The following CSMD1 variants were observed in gnomAD, a reference collection of about 807,000 sequenced individuals.
CSMD1 encodes the protein CUB and Sushi multiple domains 1.
CSMD1 carries 213 observed loss-of-function variants against 417.5 expected under a neutral mutation model. That is an observed-to-expected ratio of 0.51 (90% CI 0.46 to 0.57). CSMD1 has a LOEUF of 0.57. Ranked by LOEUF, CSMD1 falls within the 20% of genes least tolerant of loss-of-function variation. The pLI, the probability that CSMD1 is intolerant of heterozygous loss-of-function variation, is 0.00. For synonymous variants in CSMD1, 2,862 were observed against 1,736.8 expected (o/e 1.65, Z -16.11); for missense variants, 6,923 against 4,529.7 (o/e 1.53, Z -15.17).
chr8:4,154,894 T>C lies in CSMD1; in HGVS notation c.416-122795A>G, dbSNP rs539438187. Reference sequence around the variant, plus strand: ...CTGCATCACAGTCCACAAATATTTGTTGAAGTGATACATTTTTCTAAATTC... The same window carrying C: ...CTGCATCACAGTCCACAAATATTTGCTGAAGTGATACATTTTTCTAAATTC... On this transcript the variant is annotated intron_variant, in intron 3 of 69. Transcript: ENST00000635120. Among the ~76,000 whole-genome samples, 8 of 152,314 alleles carry C rather than the reference T, an allele frequency of 5.3e-5. No homozygotes were observed. The South Asian group carries it at 1.7e-3, about 32-fold the overall frequency.
At chr8:4,876,370 T>C (rs544998143) in intron 1 of CSMD1, among the ~76,000 whole-genome samples, 1 of 152,212 alleles carries the variant, frequency 6.6e-6, no homozygotes, top group East Asian at 1.9e-4. Flanking sequence ...AAAAAATGCA[T>C]ACCTCTCTGA....
At chr8:4,073,963 A>G (rs1234394018) in intron 3 of CSMD1, among the ~76,000 whole-genome samples, 4 of 152,218 alleles carry the variant, frequency 2.6e-5, no homozygotes, top group South Asian at 2.1e-4. Flanking sequence ...ATAAATCACT[A>G]TAATAAAATC....
intron 3 of CSMD1, among the ~76,000 whole-genome samples, chr8:4,284,425 G>A (rs1358624703): frequency 1.2e-4 from 15 of 123,570 alleles, no homozygotes; most frequent in South Asian, 7.5e-4. Context: ...GACAAACACT[G>A]CGGGAGGGTA....
intron 1 of CSMD1, among the ~76,000 whole-genome samples, chr8:4,637,891 C>T (rs543365190): frequency 1.8e-4 from 27 of 151,352 alleles, no homozygotes; most frequent in Non-Finnish European, 3.4e-4. Flanking sequence ...AGGATGGTCT[C>T]GATCTCCTGA....
At chr8:4,050,892 T>G (rs772841524) in intron 3 of CSMD1, among the ~76,000 whole-genome samples, 1 of 152,108 alleles carries the variant, frequency 6.6e-6, no homozygotes, top group Admixed American at 6.6e-5. Context: ...AGATTAAAAA[T>G]AAGCCTACCT....
At chr8:3,102,910 A>C (rs1450586816) in intron 46 of CSMD1, among the ~76,000 whole-genome samples, 1 of 152,316 alleles carries the variant, frequency 6.6e-6, no homozygotes, top group African/African-American at 2.4e-5. Flanking sequence ...TTAGAATTCA[A>C]CGAGTTTTAT....
At chr8:4,800,164 C>A (rs963691904) in intron 1 of CSMD1, among the ~76,000 whole-genome samples, 1 of 152,072 alleles carries the variant, frequency 6.6e-6, no homozygotes, top group Non-Finnish European at 1.5e-5. Flanking sequence ...ATTGGCCGGC[C>A]GTGACGGCTC....
chr8:4,570,585 C>T (rs185031435), intron 2 of CSMD1, among the ~76,000 whole-genome samples: 34 of 152,128 alleles, frequency 2.2e-4, no homozygotes, highest in African/African-American at 7.5e-4. Context: ...GCATATTAGG[C>T]CTATAGGCCT....
At chr8:3,438,240 A>G (rs1001345637) in intron 12 of CSMD1, among the ~76,000 whole-genome samples, 1 of 152,182 alleles carries the variant, frequency 6.6e-6, no homozygotes, top group Non-Finnish European at 1.5e-5. Flanking sequence ...GTTCTCATGT[A>G]AGTTTTAGGC....
intron 1 of CSMD1, among the ~76,000 whole-genome samples, chr8:4,697,710 A>C (rs1472060118): frequency 6.6e-6 from 1 of 152,184 alleles, no homozygotes; most frequent in Non-Finnish European, 1.5e-5. Flanking sequence ...AGAGTTCTGA[A>C]ATATGTGGAT....
At chr8:4,357,309 T>C (rs746828857) in intron 3 of CSMD1, among the ~76,000 whole-genome samples, 1 of 152,230 alleles carries the variant, frequency 6.6e-6, no homozygotes, top group Non-Finnish European at 1.5e-5. Context: ...TTCTCACATT[T>C]CCTCCTGATA....
chr8:3,326,104 G>C (rs943971890), intron 23 of CSMD1, among the ~76,000 whole-genome samples: 1 of 152,128 alleles, frequency 6.6e-6, no homozygotes, highest in Non-Finnish European at 1.5e-5. Context: ...CAGAATGCTT[G>C]GCTTCTTCCC....
intron 12 of CSMD1, among the ~76,000 whole-genome samples, chr8:3,427,883 G>C (rs1002298932): frequency 1.3e-5 from 2 of 152,288 alleles, no homozygotes; most frequent in East Asian, 1.9e-4. Flanking sequence ...TGTAATGTTA[G>C]CATCAGTTTA....
chr8:3,946,678 A>T (rs1811249646), intron 5 of CSMD1, among the ~76,000 whole-genome samples: 1 of 152,096 alleles, frequency 6.6e-6, no homozygotes. Flanking sequence ...GCATCTTCTC[A>T]TTCATGGTCT....
chr8:4,141,899 T>G lies in CSMD1; in HGVS notation c.416-109800A>C, dbSNP rs990579047. 5.3e-5 allele frequency among the ~76,000 whole-genome samples: 8 copies of G among 151,148 alleles called. 1 individual carries two copies. Among genetic ancestry groups the G allele is most frequent in the Non-Finnish European group, 8.8e-5 (6 of 68,014 alleles). On this transcript the variant is annotated intron_variant, in intron 3 of 69. Coordinates refer to ENST00000635120, the MANE Select transcript of CSMD1 (RefSeq NM_033225.6). ...AATCCTACAAGGAGGAAAGAAAACA[T>G]GAGAACTTCTTAGAGTGTGATATTT...
At chr8:3,013,364 A>C (rs1040994711) in intron 52 of CSMD1, among the ~76,000 whole-genome samples, 1 of 152,120 alleles carries the variant, frequency 6.6e-6, no homozygotes, top group African/African-American at 2.4e-5. Flanking sequence ...ACTTCCCACA[A>C]CTAGTTTCTT....
intron 10 of CSMD1, among the ~76,000 whole-genome samples, chr8:3,495,405 TAC>T (rs140425222): frequency 0.051 from 7,706 of 152,208 alleles, 204 homozygotes; most frequent in Middle Eastern, 0.075. Flanking sequence ...TTGCAATGTG[TAC>T]AGATAGGGGT....
chr8:3,073,575 T>C (rs68112061), intron 49 of CSMD1, among the ~76,000 whole-genome samples: 20,988 of 152,028 alleles, frequency 0.14, 1,727 homozygotes, highest in Non-Finnish European at 0.19. Flanking sequence ...GAAAAATAAA[T>C]CAATTTTAAC....
At chr8:3,246,238 C>T (rs775440231) in intron 26 of CSMD1, among the ~76,000 whole-genome samples, 5 of 152,140 alleles carry the variant, frequency 3.3e-5, no homozygotes, top group Non-Finnish European at 7.3e-5. Context: ...CTGTGCCTCA[C>T]CCACACCAGC....
Sources: gnomAD v4.1 joint callset for allele counts (sites outside exome capture counted in the v4.1 genomes callset) on GRCh38, gnomAD v4.1.1 for gene constraint, MANE v1.5 for transcripts, NCBI Gene and HGNC (gene_info 2026-07-23, HGNC 2026-07-21) for gene names.